PLAGL1: variants seen among roughly 807,000 people sequenced by gnomAD.
PLAGL1 encodes the protein PLAG1 like zinc finger 1, also known as zinc finger protein PLAGL1.
A neutral mutation model predicts 4.6 loss-of-function variants in PLAGL1; 1 was observed. The ratio of observed to expected loss-of-function variants is 0.22; its 90% CI spans 0.08 to 1.03. PLAGL1 has a LOEUF of 1.03. Among genes scored for constraint, PLAGL1 ranks in the 50% least tolerant of loss-of-function variants. PLAGL1 has a pLI of 0.58. For synonymous variants in PLAGL1, 240 were observed against 237.8 expected (o/e 1.01, Z -0.08); for missense variants, 464 against 570.4 (o/e 0.81, Z 1.90).
At chr6:143,999,240 A>C (rs1327871731) in intron 1 of PLAGL1, among the ~76,000 whole-genome samples, 1 of 152,178 alleles carries the variant, frequency 6.6e-6, no homozygotes, top group South Asian at 2.1e-4. Context: ...GTTTCCCTGA[A>C]TGATATAAAT....
chr6:144,039,445 G>A lies in PLAGL1; in HGVS notation c.-151+25023C>T, dbSNP rs1797545965. 6.6e-6 allele frequency among the ~76,000 whole-genome samples: 1 copy of A among 152,122 alleles called. No homozygotes were observed. The highest frequency in any genetic ancestry group is 1.9e-4 in the East Asian group (1 of 5,196). ...ACAAAAAAATACAAAAATTAGCTGG[G>A]CATGTTGGCACATGCTTGTAATCCC... On this transcript the variant is annotated intron_variant, in intron 1 of 3. Transcript: ENST00000437412. The surrounding 1 kb of genome is among the most constrained non-coding windows in gnomAD (Gnocchi z 4.1).
chr6:144,010,654 C>G (rs1795109798), upstream of PLAGL1, among the ~76,000 whole-genome samples: 1 of 152,170 alleles, frequency 6.6e-6, no homozygotes, highest in Non-Finnish European at 1.5e-5. This position sits in a 1 kb window ranked among gnomAD's most constrained non-coding sequence, Gnocchi z 4.1. Flanking sequence ...CAAGACAATC[C>G]TAAGCAAAAA....
At position 143,968,576 on chromosome 6, in the gene PLAGL1, AAC is replaced by A. The variant is rs1309022163; in HGVS notation, c.-472+329_-472+330del. The A allele has an allele frequency of 6.6e-6, 1 of 152,240 alleles. No individual in the cohort carries two copies. The highest frequency in any genetic ancestry group is 1.5e-5 in the Non-Finnish European group (1 of 68,044). The allele number at this position is 152,240 out of a possible 1,614,324, so 9.4% of individuals were successfully genotyped here. ...GAGCAAGTCATGATAAGTAAAAATC[AAC>A]TGTACAATGCCCATGATTTCTAATT... is the stretch of plus-strand genomic sequence containing the variant. On this transcript the variant is annotated intron_variant, in intron 3 of 7. Transcript: ENST00000674357. The surrounding 1 kb of genome is among the most constrained non-coding windows in gnomAD (Gnocchi z 6.3).
At chr6:143,956,721 G>A (rs1782228273) in intron 6 of PLAGL1, among the ~76,000 whole-genome samples, 1 of 152,212 alleles carries the variant, frequency 6.6e-6, no homozygotes, top group Admixed American at 6.5e-5. Context: ...GGTGGTAGAG[G>A]TAGAGGATGC....
Position 143,961,466 on chromosome 6 carries a change from G to A in PLAGL1, c.-398-924C>T. On this transcript the variant is annotated intron_variant, in intron 5 of 7. Coordinates refer to ENST00000674357, the MANE Select transcript of PLAGL1 (RefSeq NM_001317162.2). This position sits in a 1 kb window ranked among gnomAD's most constrained non-coding sequence, Gnocchi z 6.5. ...CAAAAAGGCTATGTCCATTTATTTT[G>A]TATGAGAACATCCTTTTAAGTTAAA... 1 of 152,156 alleles carries A rather than the reference G, an allele frequency of 6.6e-6. No individual in the cohort carries two copies. The highest frequency in any genetic ancestry group is 2.4e-5 in the African/African-American group (1 of 41,430). 9.4% of individuals were successfully genotyped at this position (152,156 alleles called of 1,614,324 possible).
Position 144,056,619 on chromosome 6 carries a change from T to G in PLAGL1, c.-151+7849A>C, listed in dbSNP as rs534850151. On this transcript the variant is annotated intron_variant, in intron 1 of 3. Coordinates refer to the PLAGL1 transcript ENST00000437412. This position sits in a 1 kb window ranked among gnomAD's most constrained non-coding sequence, Gnocchi z 4.7. ...GCTTCTTTCACTTAGTAATATGCAT[T>G]TAAGATTCCTCCATGTCCTTTCATG... Among the ~76,000 whole-genome samples, 387 of 152,318 alleles carry G rather than the reference T, an allele frequency of 2.5e-3. 1 individual carries two copies. The highest frequency in any genetic ancestry group is 9.0e-3 in the African/African-American group (375 of 41,576).
rs1172987491 is a variant in PLAGL1, at chr6:144,055,517, C to T, written c.-151+8951G>A. Among the ~76,000 whole-genome samples the T allele has an allele frequency of 1.3e-5, 2 of 152,134 alleles. No homozygotes were observed. Among genetic ancestry groups the T allele is most frequent in the African/African-American group, 4.8e-5 (2 of 41,418 alleles). On this transcript the variant is annotated intron_variant, in intron 1 of 3. Coordinates refer to the PLAGL1 transcript ENST00000437412. This position sits in a 1 kb window ranked among gnomAD's most constrained non-coding sequence, Gnocchi z 5.0. ...TGCCCTGGGTGCCTCTATCGTAGGA[C>T]CCCCAACTACCCTCAAGCCTGTGAT...
In PLAGL1 at chr6:143,952,470, C is replaced by CTGAG. The variant is rs1160878; in HGVS notation, c.-324-4014_-324-4011dup. On this transcript the variant is annotated intron_variant, in intron 6 of 7. Coordinates refer to ENST00000674357, the MANE Select transcript of PLAGL1 (RefSeq NM_001317162.2). The surrounding 1 kb of genome is among the most constrained non-coding windows in gnomAD (Gnocchi z 6.1). Reference sequence around the variant, plus strand: ...TTCAGTCCCCTTGATTCTAAAAATACTGAGTGATACAGATCTGCCAGTATG... The same window carrying CTGAG: ...TTCAGTCCCCTTGATTCTAAAAATACTGAGTGAGTGATACAGATCTGCCAGTATG... Among the ~76,000 whole-genome samples the CTGAG allele has an allele frequency of 0.72, 109,192 of 151,660 alleles. 40,602 individuals are homozygous for CTGAG. Among genetic ancestry groups the CTGAG allele is most frequent in the African/African-American group, 0.92 (38,025 of 41,362 alleles).
intron 1 of PLAGL1, among the ~76,000 whole-genome samples, chr6:144,030,098 C>G (rs1796684750): frequency 6.6e-6 from 1 of 151,140 alleles, no homozygotes; most frequent in African/African-American, 2.4e-5. Context: ...CTAAAAAATA[C>G]AAAAAAATTA....
chr6:143,956,183 A>G (rs1394876224), intron 6 of PLAGL1, among the ~76,000 whole-genome samples: 4 of 152,224 alleles, frequency 2.6e-5, no homozygotes, highest in African/African-American at 7.2e-5. Context: ...CACGTGTTCA[A>G]CCTTGATCAC....
intron 1 of PLAGL1, among the ~76,000 whole-genome samples, chr6:144,014,571 A>G (rs1437506151): frequency 2.0e-5 from 3 of 151,546 alleles, no homozygotes; most frequent in Admixed American, 6.6e-5. Flanking sequence ...CATAAGATCT[A>G]TTGGGTTTTG....
At chr6:144,062,992 AC>A (rs1799542357) in intron 1 of PLAGL1, among the ~76,000 whole-genome samples, 1 of 152,138 alleles carries the variant, frequency 6.6e-6, no homozygotes, top group South Asian at 2.1e-4. Context: ...ACCATCCTCC[AC>A]CGGCTGGAGC....
intron 1 of PLAGL1, among the ~76,000 whole-genome samples, chr6:144,038,018 T>C (rs2128714101): frequency 6.6e-6 from 1 of 152,304 alleles, no homozygotes; most frequent in Non-Finnish European, 1.5e-5. Context: ...ATGAGCAAAG[T>C]CTCTGAGATC....
At position 143,967,388 on chromosome 6, in the gene PLAGL1, A is replaced by G. The variant is rs557564930; in HGVS notation, c.-471-1190T>C. ...TGGAGTAATATATATATATAATGGAAAGTCAGAGTATAAATAATGGATTCA... is the reference window on the plus strand; with the variant it reads ...TGGAGTAATATATATATATAATGGAGAGTCAGAGTATAAATAATGGATTCA... On this transcript the variant is annotated intron_variant, in intron 3 of 7. Coordinates refer to ENST00000674357, the MANE Select transcript of PLAGL1 (RefSeq NM_001317162.2). 3.3e-5 allele frequency: 5 copies of G among 152,270 alleles called. No homozygotes were observed. In the South Asian group the frequency reaches 1.0e-3, roughly 32 times the overall value. The allele number at this position is 152,270 out of a possible 1,614,324, so 9.4% of individuals were successfully genotyped here. A position where few individuals can be genotyped will look rare whatever the true frequency, so the allele number is the denominator to read the frequency against.
At chr6:144,011,624 G>A (rs139072737), upstream of PLAGL1, among the ~76,000 whole-genome samples, 4 of 152,058 alleles carry the variant, frequency 2.6e-5, no homozygotes, top group East Asian at 1.9e-4. This position sits in a 1 kb window ranked among gnomAD's most constrained non-coding sequence, Gnocchi z 4.3. Context: ...ATCTGAATAC[G>A]CTGCTTTTTC....
intron 2 of PLAGL1, among the ~76,000 whole-genome samples, chr6:143,977,959 G>A (rs1485841791): frequency 6.6e-6 from 1 of 152,182 alleles, no homozygotes; most frequent in Non-Finnish European, 1.5e-5. Flanking sequence ...TATCAAATAT[G>A]TGAGTGAGAG....
intron 1 of PLAGL1, among the ~76,000 whole-genome samples, chr6:143,986,063 C>T (rs1367688679): frequency 2.1e-5 from 3 of 145,700 alleles, no homozygotes; most frequent in African/African-American, 7.6e-5. Flanking sequence ...CCCTGTTTGG[C>T]CCAGGAGAAA....
chr6:144,007,204 C>T (rs1794412719), intron 1 of PLAGL1: 1 of 152,194 alleles, frequency 6.6e-6, no homozygotes, highest in African/African-American at 2.4e-5. Context: ...TCTTTTCCCT[C>T]GGTCATTAAA....
rs1795387676 is a variant in PLAGL1, at chr6:144,013,972, C to A, written c.-150-44994G>T. Among the ~76,000 whole-genome samples the A allele has an allele frequency of 6.6e-6, 1 of 152,136 alleles. No homozygotes were observed. The highest frequency in any genetic ancestry group is 1.5e-5 in the Non-Finnish European group (1 of 68,026). The stretch of plus-strand genomic sequence containing the variant: ...GTCCTCATGTCAAAGTTGACATGGG[C>A]AAAATCCATGTCAGCTTTGCTATAG... On this transcript the variant is annotated intron_variant, in intron 1 of 3. Transcript: ENST00000437412. The surrounding 1 kb of genome is among the most constrained non-coding windows in gnomAD (Gnocchi z 4.4).
Sources: allele counts gnomAD v4.1 joint callset (sites outside exome capture counted in the v4.1 genomes callset), GRCh38; gene constraint gnomAD v4.1.1; non-coding constraint Gnocchi (gnomAD v3.1); transcripts MANE v1.5; gene names NCBI Gene and HGNC (gene_info 2026-07-23, HGNC 2026-07-21).